The following HMGN5 variants were observed in gnomAD, a reference collection of about 807,000 sequenced individuals.
HMGN5 encodes high mobility group nucleosome binding domain 5.
A neutral mutation model predicts 9.5 loss-of-function variants in HMGN5; 4 were observed. That is an observed-to-expected ratio of 0.42 (90% CI 0.21 to 0.96). HMGN5 has a LOEUF of 0.96. HMGN5 is among the 40% of genes least tolerant of loss of function. The pLI, the probability that HMGN5 is intolerant of heterozygous loss-of-function variation, is 0.30. For missense variants in HMGN5, 192 were observed against 187.5 expected (o/e 1.02, Z -0.14); for synonymous variants, 55 against 57.1 (o/e 0.96, Z 0.16).
intron 1 of HMGN5, among the ~76,000 whole-genome samples, chrX:81,154,680 A>G (rs772741143): frequency 1.8e-5 from 2 of 111,444 alleles, no homozygotes; most frequent in Non-Finnish European, 3.8e-5. Context: ...AAAAAAAAGT[A>G]TAATAATCCA....
At chrX:81,168,456 A>T (rs1480448057) in intron 1 of HMGN5, among the ~76,000 whole-genome samples, 1 of 111,467 alleles carries the variant, frequency 9.0e-6, no homozygotes, top group Non-Finnish European at 1.9e-5. Flanking sequence ...ACAGACCCCT[A>T]ATTTGGATTG....
intron 1 of HMGN5, among the ~76,000 whole-genome samples, chrX:81,138,647 A>G (rs2075318571): frequency 9.0e-6 from 1 of 111,624 alleles, no homozygotes; most frequent in Admixed American, 9.6e-5. Context: ...ACAATAAGAC[A>G]AGAAAAAGAA....
At chrX:81,186,387 A>G (rs951577749) in intron 1 of HMGN5, among the ~76,000 whole-genome samples, 3 of 112,050 alleles carry the variant, frequency 2.7e-5, no homozygotes, top group Admixed American at 9.5e-5. Context: ...AGATTTTCCA[A>G]TTGGCATATG....
At chrX:81,169,168 G>T (rs2075418714) in intron 1 of HMGN5, among the ~76,000 whole-genome samples, 1 of 111,567 alleles carries the variant, frequency 9.0e-6, no homozygotes, top group Admixed American at 9.6e-5. Context: ...CACACTAGGA[G>T]TAATTTGAAA....
intron 1 of HMGN5, among the ~76,000 whole-genome samples, chrX:81,165,104 A>G (rs145474064): frequency 0.011 from 1,258 of 111,471 alleles, 17 homozygotes; most frequent in African/African-American, 0.038. Context: ...CTGACATCAA[A>G]TATTGAAAGT....
intron 1 of HMGN5, among the ~76,000 whole-genome samples, chrX:81,174,330 G>C (rs189993188): frequency 1.3e-4 from 14 of 111,023 alleles, no homozygotes; most frequent in African/African-American, 4.6e-4. Context: ...GACTGATAAG[G>C]GTAGAATAAC....
intron 1 of HMGN5, among the ~76,000 whole-genome samples, chrX:81,140,411 T>C (rs2075325043): frequency 9.1e-6 from 1 of 109,494 alleles, no homozygotes; most frequent in Non-Finnish European, 1.9e-5. Context: ...ATACAAAAAA[T>C]TAGCCAGGCA....
At chrX:81,183,522 G>A (rs902243655) in intron 1 of HMGN5, among the ~76,000 whole-genome samples, 1 of 112,780 alleles carries the variant, frequency 8.9e-6, no homozygotes, top group Non-Finnish European at 1.9e-5. Flanking sequence ...CATAAGCCAT[G>A]GTGGCTTCCA....
chrX:81,152,328 G>A (rs1341639155), intron 1 of HMGN5, among the ~76,000 whole-genome samples: 1 of 111,534 alleles, frequency 9.0e-6, no homozygotes, highest in South Asian at 3.7e-4. Flanking sequence ...TCAAAAAGTC[G>A]GCAAAGGATA....
intron 1 of HMGN5, among the ~76,000 whole-genome samples, chrX:81,138,765 C>A (rs1345729168): frequency 9.0e-6 from 1 of 111,513 alleles, no homozygotes; most frequent in Non-Finnish European, 1.9e-5. Flanking sequence ...ACCTCTAGAA[C>A]TAATAAGTGT....
intron 3 of HMGN5, 101 bp from the exon 4 acceptor site, chrX:81,118,860 A>G: frequency 1.9e-6 from 1 of 523,841 alleles, no homozygotes; most frequent in Non-Finnish European, 3.1e-6. Context: ...ATACATAAAT[A>G]TTGTCATTAA....
At chrX:81,200,556 A>G (rs2075523080) in intron 1 of HMGN5, among the ~76,000 whole-genome samples, 1 of 111,865 alleles carries the variant, frequency 8.9e-6, no homozygotes, top group Non-Finnish European at 1.9e-5. Context: ...TGTCCTTTGC[A>G]GGGACATGGA....
chrX:81,168,751 T>C (rs906536665), intron 1 of HMGN5, among the ~76,000 whole-genome samples: 2 of 111,936 alleles, frequency 1.8e-5, no homozygotes, highest in Non-Finnish European at 3.8e-5. Flanking sequence ...GGAAATAGGA[T>C]GGATCTAATA....
At chrX:81,151,046 C>A (rs1313767157) in intron 1 of HMGN5, among the ~76,000 whole-genome samples, 1 of 111,770 alleles carries the variant, frequency 8.9e-6, no homozygotes, top group Non-Finnish European at 1.9e-5. Flanking sequence ...TAAATACTAA[C>A]ACCAATCCTA....
At chrX:81,189,491 T>C (rs761736265) in intron 1 of HMGN5, among the ~76,000 whole-genome samples, 2 of 112,311 alleles carry the variant, frequency 1.8e-5, no homozygotes, top group South Asian at 7.3e-4. Context: ...GTATGTAGCC[T>C]TTTCAGACTA....
chrX:81,114,984 C>T lies in HMGN5; in HGVS notation c.514G>A (p.Glu172Lys). 2 of 1,150,223 alleles carry T rather than the reference C, an allele frequency of 1.7e-6. No individual in the cohort carries two copies. Among genetic ancestry groups the T allele is most frequent in the Non-Finnish European group, 2.3e-6 (2 of 867,553 alleles). 94.8% of individuals were successfully genotyped at this position (1,150,223 alleles called of 1,213,427 possible). ...TCACCTTTTTTTCCATCTTCTTTCT[C>T]TTTTGCATCTTCTCCTTTCTCATTT... ...NGNEKGEDAKEKEDGKKGEDG... is the reference protein window; with the variant it reads ...NGNEKGEDAKKKEDGKKGEDG... Residue 172 changes from glutamate to lysine, a missense_variant, in exon 7 of 7, where the codon GAG (glutamate) becomes AAG (lysine). Coordinates refer to ENST00000358130, the MANE Select transcript of HMGN5 (RefSeq NM_030763.3).
In HMGN5 at chrX:81,118,439, C is replaced by A; in HGVS notation, c.122G>T (p.Ser41Ile). 1 of 1,157,816 alleles carries A rather than the reference C, an allele frequency of 8.6e-7. No homozygotes were observed. Among genetic ancestry groups the A allele is most frequent in the Non-Finnish European group, 1.2e-6 (1 of 856,840 alleles). ...TCTACGTTGAATATTTACCCTTGAA[C>A]TTGATGTTCTTTTAGGCTTCACCTC... ...TPEVKPKRTSSSRKMKTKSDM... is the reference protein window; with the variant it reads ...TPEVKPKRTSISRKMKTKSDM... Residue 41 changes from serine (S) to isoleucine (I), a missense_variant, in exon 5 of 7, where the codon AGT becomes ATT. Physicochemically the swap from Ser to Ile is moderately radical, Grantham distance 142. Transcript: ENST00000358130.
intron 1 of HMGN5, among the ~76,000 whole-genome samples, chrX:81,156,040 A>G (rs548844900): frequency 4.5e-5 from 5 of 111,990 alleles, no homozygotes; most frequent in African/African-American, 1.6e-4. Context: ...TATCACTCTA[A>G]TATTTCCTAC....
intron 1 of HMGN5, among the ~76,000 whole-genome samples, chrX:81,192,931 C>T (rs2075498006): frequency 9.1e-6 from 1 of 109,650 alleles, no homozygotes; most frequent in African/African-American, 3.3e-5. Context: ...GTGTGCTTTT[C>T]TAGTCTTTAG....
Sources: gnomAD v4.1 joint callset for allele counts (sites outside exome capture counted in the v4.1 genomes callset) on GRCh38, gnomAD v4.1.1 for gene constraint, MANE v1.5 for transcripts, NCBI Gene and HGNC (gene_info 2026-07-23, HGNC 2026-07-21) for gene names.